USP53: variants seen among roughly 807,000 people sequenced by gnomAD.
USP53 encodes ubiquitin carboxyl-terminal hydrolase 53.
Under a neutral mutation model 94.9 loss-of-function variants are expected in USP53, and 71 were observed. That is an observed-to-expected ratio of 0.75 (90% CI 0.62 to 0.91). The LOEUF (loss-of-function observed/expected upper bound fraction) is 0.91. Ranked by LOEUF, USP53 falls within the 40% of genes least tolerant of loss-of-function variation. USP53 has a pLI of 0.00. For missense variants in USP53, 1,173 were observed against 1,281.0 expected, an observed-to-expected ratio of 0.92 and a Z score of 1.29; for synonymous variants, 375 against 422.7, an observed-to-expected ratio of 0.89 and a Z score of 1.39.
chr4:119,238,461 T>C (rs1747082095), intron 4 of USP53, among the ~76,000 whole-genome samples: 1 of 152,156 alleles, frequency 6.6e-6, no homozygotes, highest in African/African-American at 2.4e-5. Context: ...TCATATTGCC[T>C]GAAAACAATT....
intron 17 of USP53, among the ~76,000 whole-genome samples, chr4:119,283,052 A>G (rs1407473864): frequency 6.6e-6 from 1 of 151,990 alleles, no homozygotes; most frequent in Non-Finnish European, 1.5e-5. Context: ...TAATAGAGAT[A>G]TTATATAGGC....
intron 17 of USP53, among the ~76,000 whole-genome samples, chr4:119,283,200 T>A (rs551602961): frequency 6.6e-6 from 1 of 152,068 alleles, no homozygotes; most frequent in East Asian, 1.9e-4. Flanking sequence ...AATGGAATTG[T>A]AGTGGAGGGA....
intron 18 of USP53, among the ~76,000 whole-genome samples, chr4:119,291,557 G>C (rs915643537): frequency 6.6e-5 from 10 of 152,124 alleles, no homozygotes; most frequent in Admixed American, 6.6e-4. Flanking sequence ...GCTGAGATTT[G>C]ATTATAGCTC....
intron 3 of USP53, among the ~76,000 whole-genome samples, chr4:119,225,718 G>A (rs368524771): frequency 5.9e-5 from 9 of 151,758 alleles, no homozygotes; most frequent in African/African-American, 1.5e-4. Flanking sequence ...CAGCCTGGGC[G>A]ACACAGCGAG....
chr4:119,274,866 CAT>C (rs1752389395), intron 17 of USP53, among the ~76,000 whole-genome samples: 1 of 135,810 alleles, frequency 7.4e-6, no homozygotes, highest in African/African-American at 2.7e-5. Context: ...AGCATTTTTT[CAT>C]GTGTTTTTTG....
At chr4:119,283,218 C>G (rs185087530) in intron 17 of USP53, among the ~76,000 whole-genome samples, 1 of 151,764 alleles carries the variant, frequency 6.6e-6, no homozygotes, top group East Asian at 1.9e-4. Context: ...GGATTTCACA[C>G]GCCTTAAATT....
In USP53 at chr4:119,292,827, C is replaced by CA; in HGVS notation, c.2841dup (p.Leu948ThrfsTer6). The CA allele has an allele frequency of 6.2e-7, 1 of 1,614,108 alleles. No individual in the cohort carries two copies. The highest frequency in any genetic ancestry group is 8.5e-7 in the Non-Finnish European group (1 of 1,179,988). On this transcript the variant is annotated frameshift_variant, in exon 19 of 19. Coordinates refer to ENST00000692078, the MANE Select transcript of USP53 (RefSeq NM_001371395.1). LOFTEE classifies it low-confidence loss of function (END_TRUNC). ...AGAAAAGCGAATCTACACCTGATGT[C>CA]AAACTTACAGAGGTGTTTAAAGCTA...
intron 9 of USP53, among the ~76,000 whole-genome samples, chr4:119,258,814 G>A (rs1184874000): frequency 6.6e-6 from 1 of 152,172 alleles, no homozygotes; most frequent in Non-Finnish European, 1.5e-5. Context: ...CCCACAACAC[G>A]AAGGAATTTT....
At chr4:119,284,550 C>A (rs112694868) in intron 17 of USP53, among the ~76,000 whole-genome samples, 15 of 151,862 alleles carry the variant, frequency 9.9e-5, no homozygotes, top group African/African-American at 3.6e-4. Flanking sequence ...ATTTCACATG[C>A]CTTAAATTAC....
intron 7 of USP53, among the ~76,000 whole-genome samples, chr4:119,255,597 C>T (rs533695935): frequency 1.3e-5 from 2 of 152,302 alleles, no homozygotes; most frequent in African/African-American, 2.4e-5. Context: ...TTGGTAAGAC[C>T]GTGGGAGAAG....
intron 7 of USP53, among the ~76,000 whole-genome samples, chr4:119,250,694 A>G (rs1169087510): frequency 6.6e-6 from 1 of 152,212 alleles, no homozygotes; most frequent in Non-Finnish European, 1.5e-5. Context: ...GGCAGAGGAG[A>G]GAGAAGTTAG....
intron 4 of USP53, among the ~76,000 whole-genome samples, chr4:119,236,689 A>C (rs1350281210): frequency 6.6e-6 from 1 of 152,198 alleles, no homozygotes; most frequent in Non-Finnish European, 1.5e-5. Flanking sequence ...TTATCATGAG[A>C]TTGCAGCAAT....
chr4:119,212,635 C>G (rs969061855), upstream of USP53: 8 of 378,026 alleles, frequency 2.1e-5, no homozygotes, highest in Admixed American at 9.9e-5. Flanking sequence ...CTGACTGGTC[C>G]CTGGGTATTG....
At chr4:119,279,209 G>GT (rs1380743192) in intron 17 of USP53, among the ~76,000 whole-genome samples, 3 of 130,230 alleles carry the variant, frequency 2.3e-5, no homozygotes, top group Admixed American at 8.0e-5. Context: ...TTTCTGTTCT[G>GT]TTTTTTCCCC....
At chr4:119,230,201 C>T (rs1408891338) in intron 3 of USP53, among the ~76,000 whole-genome samples, 2 of 152,004 alleles carry the variant, frequency 1.3e-5, no homozygotes, top group African/African-American at 4.8e-5. Flanking sequence ...GCTGTCTAGC[C>T]CTGTTTCAAT....
At chr4:119,271,123 A>C in intron 15 of USP53, 173 bp from the exon 16 acceptor site, 1 of 750,046 alleles carries the variant, frequency 1.3e-6, no homozygotes. Context: ...CTCATTAAGC[A>C]TACACAAGGA....
intron 5 of USP53, among the ~76,000 whole-genome samples, chr4:119,244,509 A>AG (rs1747962615): frequency 2.0e-5 from 3 of 152,204 alleles, no homozygotes; most frequent in Non-Finnish European, 4.4e-5. Flanking sequence ...AACAGCCACA[A>AG]ATAGCAGCTG....
rs368023451 is a variant in USP53 at position 119,260,587 on chromosome 4, C to A, written c.756C>A (p.Asp252Glu). 6.2e-7 allele frequency: 1 copy of A among 1,614,030 alleles called. No homozygotes were observed. The highest frequency in any genetic ancestry group is 8.5e-7 in the Non-Finnish European group (1 of 1,179,946). Residue 252 changes from aspartate (D) to glutamate (E), a missense_variant, in exon 11 of 19, where the codon GAC (aspartate) becomes GAA (glutamate). Asp to Glu is a conservative substitution (Grantham distance 45, BLOSUM62 2). Coordinates refer to ENST00000692078, the MANE Select transcript of USP53 (RefSeq NM_001371395.1). Reference protein sequence around the residue: ...PEIVTIGLVWDSEHSDLTEAV... With the variant: ...PEIVTIGLVWESEHSDLTEAV... ...TTGTTACAATTGGTTTAGTCTGGGA[C>A]TCCGAGCATTCTGACTTGACCGAAG... is the stretch of plus-strand genomic sequence containing the variant.
At chr4:119,215,715 A>G (rs983753471) in intron 2 of USP53, among the ~76,000 whole-genome samples, 11 of 152,246 alleles carry the variant, frequency 7.2e-5, no homozygotes, top group Middle Eastern at 3.4e-3. Flanking sequence ...GATGTCCATG[A>G]TACAAGAAAA....
Sources: allele counts gnomAD v4.1 joint callset (sites outside exome capture counted in the v4.1 genomes callset), GRCh38; gene constraint gnomAD v4.1.1; transcripts MANE v1.5; gene names NCBI Gene and HGNC (gene_info 2026-07-23, HGNC 2026-07-21).